PRDM10: variants seen among roughly 807,000 people sequenced by gnomAD.
PRDM10 encodes PR domain zinc finger protein 10.
Under a neutral mutation model 133.1 loss-of-function variants are expected in PRDM10, and 65 were observed. The ratio of observed to expected loss-of-function variants is 0.49; its 90% CI spans 0.40 to 0.60. PRDM10 has a LOEUF of 0.60. Ranked by LOEUF, PRDM10 falls within the 20% of genes least tolerant of loss-of-function variation. The probability of loss-of-function intolerance (pLI) is 0.00; values close to 1 mark genes in which losing one functional copy is unlikely to be tolerated. For missense variants in PRDM10, 1,137 were observed against 1,507.1 expected (o/e 0.75, Z 4.07); for synonymous variants, 582 against 580.4 (o/e 1.00, Z -0.04).
chr11:129,932,050 G>A, intron 10 of PRDM10, 52 bp downstream of exon 10: 1 of 1,578,606 alleles, frequency 6.3e-7, no homozygotes, highest in Admixed American at 1.7e-5. Context: ...CAGGGATCTG[G>A]CGAGTCCTCC....
At chr11:129,974,757 C>A (rs1937661267) in intron 1 of PRDM10, among the ~76,000 whole-genome samples, 1 of 152,208 alleles carries the variant, frequency 6.6e-6, no homozygotes, top group African/African-American at 2.4e-5. Flanking sequence ...ATATGCTGCT[C>A]TTCAAAATGC....
At chr11:129,935,713 A>G (rs1382369906) in intron 8 of PRDM10, among the ~76,000 whole-genome samples, 2 of 152,218 alleles carry the variant, frequency 1.3e-5, no homozygotes, top group Admixed American at 6.5e-5. Flanking sequence ...ATACATACCC[A>G]ACAGAAATGT....
intron 1 of PRDM10, among the ~76,000 whole-genome samples, chr11:129,983,994 A>G (rs1276270934): frequency 6.6e-6 from 1 of 152,190 alleles, no homozygotes; most frequent in African/African-American, 2.4e-5. Context: ...GCAGCACTCA[A>G]CACTGGCTCC....
At chr11:129,955,821 C>A (rs951796538) in intron 3 of PRDM10, among the ~76,000 whole-genome samples, 1 of 152,174 alleles carries the variant, frequency 6.6e-6, no homozygotes, top group Admixed American at 6.5e-5. Flanking sequence ...CAATTTTACT[C>A]GTAAGCAAAG....
intron 8 of PRDM10, among the ~76,000 whole-genome samples, chr11:129,936,545 C>T (rs887355929): frequency 6.6e-6 from 1 of 151,702 alleles, no homozygotes; most frequent in Non-Finnish European, 1.5e-5. Context: ...CCCAGCTACT[C>T]GGGAGGCTGA....
chr11:129,931,327 T>C, intron 10 of PRDM10, 69 bp from the exon 11 acceptor site: 1 of 1,517,352 alleles, frequency 6.6e-7, no homozygotes, highest in Non-Finnish European at 8.9e-7. Context: ...TTAGAATTGC[T>C]GCTTATTTCA....
intron 7 of PRDM10, among the ~76,000 whole-genome samples, chr11:129,941,839 T>G (rs1951218413): frequency 6.6e-6 from 1 of 152,192 alleles, no homozygotes; most frequent in South Asian, 2.1e-4. Context: ...TTAAGTACAT[T>G]TTCAGTTTAC....
intron 7 of PRDM10, among the ~76,000 whole-genome samples, chr11:129,938,572 G>T (rs1591632606): frequency 6.6e-6 from 1 of 152,124 alleles, no homozygotes; most frequent in East Asian, 1.9e-4. Context: ...ATGGCCACTT[G>T]GCCTTCTGAC....
intron 1 of PRDM10, among the ~76,000 whole-genome samples, chr11:129,971,576 T>G (rs1267377905): frequency 6.6e-6 from 1 of 151,480 alleles, no homozygotes; most frequent in Non-Finnish European, 1.5e-5. Flanking sequence ...TGCCCATAGG[T>G]GTATTTACAA....
At chr11:129,953,500 G>C (rs1383706459) in intron 4 of PRDM10, among the ~76,000 whole-genome samples, 1 of 151,992 alleles carries the variant, frequency 6.6e-6, no homozygotes, top group Non-Finnish European at 1.5e-5. Context: ...CACCATGTTG[G>C]CCAGGCTGGT....
chr11:129,919,350 G>T (rs1357373417), intron 13 of PRDM10, among the ~76,000 whole-genome samples: 1 of 152,196 alleles, frequency 6.6e-6, no homozygotes, highest in Non-Finnish European at 1.5e-5. Context: ...CTGGGCAACA[G>T]AGCAAGGCTC....
intron 19 of PRDM10, among the ~76,000 whole-genome samples, chr11:129,909,403 T>C (rs917823512): frequency 6.6e-6 from 1 of 151,828 alleles, no homozygotes; most frequent in Non-Finnish European, 1.5e-5. Flanking sequence ...TGAGCCGCGA[T>C]TGTGCCACTG....
chr11:129,963,426 G>GAAGAGAAGAGAAGAA (rs1951841355), intron 1 of PRDM10, among the ~76,000 whole-genome samples: 1 of 148,394 alleles, frequency 6.7e-6, no homozygotes, highest in Non-Finnish European at 1.5e-5. Flanking sequence ...GAAGAGAAGA[G>GAAGAGAAGAGAAGAA]AAGAGAAGAG....
In PRDM10 at chr11:129,913,363, C is replaced by T. The variant is rs139036093; in HGVS notation, c.2842-1138G>A. Among the ~76,000 whole-genome samples the T allele has an allele frequency of 3.4e-3, 511 of 151,992 alleles. 3 individuals carry two copies. The highest frequency in any genetic ancestry group is 4.1e-3 in the Admixed American group (63 of 15,240). On this transcript the variant is annotated intron_variant, in intron 17 of 20. Coordinates refer to ENST00000360871, the MANE Select transcript of PRDM10 (RefSeq NM_199437.2). ...GCCATACAACAGGATAAAAAAAGAG[C>T]GTTTAGAGAAATATGCTTCTCACAC...
chr11:129,977,837 T>C (rs1306858999), intron 1 of PRDM10, among the ~76,000 whole-genome samples: 2 of 152,042 alleles, frequency 1.3e-5, no homozygotes, highest in African/African-American at 4.8e-5. Context: ...GCACCTGTTG[T>C]CCCAGCTAAG....
chr11:129,902,178 G>T lies in PRDM10; in HGVS notation c.*135C>A. On this transcript the variant is annotated 3_prime_UTR_variant, in exon 21 of 21. Transcript: ENST00000360871. ...TTGGCAAAATAAACCCCAGTGTATG[G>T]ATGAGAGACAAAACTGTGGTTTCCG... is the stretch of plus-strand genomic sequence containing the variant. The T allele has an allele frequency of 7.9e-7, 1 of 1,260,840 alleles. No individual in the cohort carries two copies. Among genetic ancestry groups the T allele is most frequent in the Non-Finnish European group, 1.1e-6 (1 of 923,052 alleles). The allele number at this position is 1,260,840 out of a possible 1,614,324, so 78.1% of individuals were successfully genotyped here.
In PRDM10 at chr11:129,945,646, T is replaced by C. The variant is rs1951382110; in HGVS notation, c.521-634A>G. Among the ~76,000 whole-genome samples, 1 of 152,156 alleles carries C rather than the reference T, an allele frequency of 6.6e-6. No individual in the cohort carries two copies. ...TTCCGCCCATTCCAAGAGCACTCGGTTTGCACCAGTCCGGCCACACGCCCT... is the reference window on the plus strand; with the variant it reads ...TTCCGCCCATTCCAAGAGCACTCGGCTTGCACCAGTCCGGCCACACGCCCT... On this transcript the variant is annotated intron_variant, in intron 5 of 20. Coordinates refer to ENST00000360871, the MANE Select transcript of PRDM10 (RefSeq NM_199437.2). The surrounding 1 kb of genome is among the most constrained non-coding windows in gnomAD (Gnocchi z 4.2).
At chr11:129,908,145 T>C (rs771981385) in intron 19 of PRDM10, among the ~76,000 whole-genome samples, 25 of 152,040 alleles carry the variant, frequency 1.6e-4, no homozygotes, top group Non-Finnish European at 2.6e-4. Flanking sequence ...TTCTTAGGTG[T>C]GATAATGTTG....
At chr11:129,941,756 T>C (rs1188588239) in intron 7 of PRDM10, among the ~76,000 whole-genome samples, 1 of 152,224 alleles carries the variant, frequency 6.6e-6, no homozygotes, top group African/African-American at 2.4e-5. Context: ...TGCCCAACTG[T>C]AGGTTAATGC....
Sources: gnomAD v4.1 joint callset for allele counts (sites outside exome capture counted in the v4.1 genomes callset) on GRCh38, gnomAD v4.1.1 for gene constraint, Gnocchi (gnomAD v3.1) non-coding constraint, MANE v1.5 for transcripts, NCBI Gene and HGNC (gene_info 2026-07-23, HGNC 2026-07-21) for gene names.